Variants in PRKD1 observed in about 807,000 individuals in gnomAD.
The protein encoded by PRKD1 is serine/threonine-protein kinase D1.
Under a neutral mutation model 95.9 loss-of-function variants are expected in PRKD1, and 63 were observed. The observed-to-expected ratio is 0.66, with a 90% CI of 0.54 to 0.81. The LOEUF (loss-of-function observed/expected upper bound fraction) is 0.81, where lower values mean the gene tolerates loss of function less well. Among genes scored for constraint, PRKD1 ranks in the 30% least tolerant of loss-of-function variants. PRKD1 has a pLI of 0.00. For missense variants in PRKD1, 1,048 were observed against 1,165.3 expected (o/e 0.90, Z 1.47); for synonymous variants, 425 against 423.1 (o/e 1.00, Z -0.05).
intron 1 of PRKD1, among the ~76,000 whole-genome samples, chr14:29,918,783 A>G (rs903873697): frequency 6.6e-6 from 1 of 152,222 alleles, no homozygotes; most frequent in Admixed American, 6.5e-5. Context: ...GGATATTTAC[A>G]TAACTGCAAA....
In PRKD1 at chr14:29,867,880, T is replaced by C. The variant is rs149660742; in HGVS notation, c.264+59369A>G. Among the ~76,000 whole-genome samples, 442 of 152,312 alleles carry C rather than the reference T, an allele frequency of 2.9e-3. 1 individual carries two copies. The highest frequency in any genetic ancestry group is 1.0e-2 in the African/African-American group (414 of 41,562). ...TTAGTTTTAGAATACTTAGTCTGTG[T>C]TTTAAACTATAAAGAATCTATGAAG... On this transcript the variant is annotated intron_variant, in intron 1 of 17. Transcript: ENST00000331968.
intron 1 of PRKD1, among the ~76,000 whole-genome samples, chr14:29,883,264 C>T (rs886569671): frequency 2.0e-5 from 3 of 152,172 alleles, no homozygotes; most frequent in African/African-American, 4.8e-5. Flanking sequence ...GCCCCACCTC[C>T]GCATTAAGGA....
At chr14:29,849,709 C>T (rs1212905111) in intron 1 of PRKD1, among the ~76,000 whole-genome samples, 1 of 151,910 alleles carries the variant, frequency 6.6e-6, no homozygotes, top group Non-Finnish European at 1.5e-5. Flanking sequence ...AGAACTCTAT[C>T]CTAACTCATT....
intron 1 of PRKD1, among the ~76,000 whole-genome samples, chr14:29,755,272 G>C (rs774986586): frequency 6.6e-6 from 1 of 151,882 alleles, no homozygotes; most frequent in Non-Finnish European, 1.5e-5. Flanking sequence ...TTTTTTAAAA[G>C]TGTTTTCCCA....
intron 1 of PRKD1, 24 bp downstream of exon 1, chr14:29,927,225 G>C (rs770955095): frequency 6.8e-7 from 1 of 1,474,176 alleles, no homozygotes; most frequent in South Asian, 1.3e-5. Context: ...GAGGCGCCGG[G>C]CTGGCAGCGG....
At chr14:29,739,466 C>A (rs199914551) in intron 1 of PRKD1, among the ~76,000 whole-genome samples, 2 of 151,860 alleles carry the variant, frequency 1.3e-5, no homozygotes, top group East Asian at 3.9e-4. Flanking sequence ...AACTTTATCC[C>A]ATCTATTTGA....
At chr14:29,878,305 G>GT (rs549513257) in intron 1 of PRKD1, among the ~76,000 whole-genome samples, 62 of 69,422 alleles carry the variant, frequency 8.9e-4, no homozygotes, top group African/African-American at 2.4e-3. Context: ...TAAAATAAAA[G>GT]TTTTTTTTTT....
At chr14:29,865,321 CA>C (rs1566644005) in intron 1 of PRKD1, among the ~76,000 whole-genome samples, 1 of 152,050 alleles carries the variant, frequency 6.6e-6, no homozygotes, top group African/African-American at 2.4e-5. Flanking sequence ...TAAAATGGTG[CA>C]AATAAGGAAA....
chr14:29,719,749 T>C (rs1348557339), intron 2 of PRKD1, among the ~76,000 whole-genome samples: 2 of 152,220 alleles, frequency 1.3e-5, no homozygotes, highest in Admixed American at 1.3e-4. Flanking sequence ...GATTTCATGC[T>C]TCCTAACTCC....
At chr14:29,585,011 C>A (rs569513554) in intron 16 of PRKD1, among the ~76,000 whole-genome samples, 1 of 152,130 alleles carries the variant, frequency 6.6e-6, no homozygotes, top group African/African-American at 2.4e-5. Context: ...GGTGATAGAG[C>A]CTTCGCCAAT....
chr14:29,876,067 A>G (rs1893276518), intron 1 of PRKD1, among the ~76,000 whole-genome samples: 1 of 152,210 alleles, frequency 6.6e-6, no homozygotes, highest in South Asian at 2.1e-4. Flanking sequence ...CCTATCTCAG[A>G]AAACTCAAAT....
In PRKD1 at chr14:29,676,036, C is replaced by A. The variant is rs542370735; in HGVS notation, c.404-9828G>T. The stretch of plus-strand genomic sequence containing the variant: ...GGAGATATACCTAATGTAAATGACG[C>A]GTTAATGGGTGCAGCACACCAACAT... On this transcript the variant is annotated intron_variant, in intron 2 of 17. Transcript: ENST00000331968. Among the ~76,000 whole-genome samples the A allele has an allele frequency of 2.8e-3, 417 of 151,440 alleles. 2 individuals carry two copies. Among genetic ancestry groups the A allele is most frequent in the African/African-American group, 5.9e-3 (242 of 41,246 alleles).
At chr14:29,608,793 G>A (rs1594358301) in intron 13 of PRKD1, among the ~76,000 whole-genome samples, 1 of 152,122 alleles carries the variant, frequency 6.6e-6, no homozygotes, top group East Asian at 1.9e-4. Flanking sequence ...TTTGGTTATT[G>A]CCTATGAACA....
intron 1 of PRKD1, among the ~76,000 whole-genome samples, chr14:29,861,601 C>A (rs1892711315): frequency 6.6e-6 from 1 of 151,998 alleles, no homozygotes; most frequent in Non-Finnish European, 1.5e-5. Flanking sequence ...TTATTATTGA[C>A]TATAGTCACC....
At chr14:29,616,243 C>CAAAAAAAAAAAAAAAAAAAAAAAAAAAAA (rs72142312) in intron 13 of PRKD1, among the ~76,000 whole-genome samples, 1 of 33,956 alleles carries the variant, frequency 2.9e-5, no homozygotes, top group African/African-American at 1.3e-4. Context: ...AGAGTATGGC[C>CAAAAAAAAAAAAAAAAAAAAAAAAAAAAA]AAAAAAAAAA....
chr14:29,797,675 G>A (rs1046142470), intron 1 of PRKD1, among the ~76,000 whole-genome samples: 9 of 152,170 alleles, frequency 5.9e-5, no homozygotes, highest in South Asian at 2.1e-4. Flanking sequence ...AGGGAACCTC[G>A]AAGCACCTGC....
chr14:29,655,652 G>A (rs762252966), intron 4 of PRKD1, among the ~76,000 whole-genome samples: 1 of 152,022 alleles, frequency 6.6e-6, no homozygotes, highest in African/African-American at 2.4e-5. Flanking sequence ...TCTCCTCCAC[G>A]TTCACATCAT....
intron 2 of PRKD1, among the ~76,000 whole-genome samples, chr14:29,701,019 T>C (rs376616701): frequency 8.9e-5 from 4 of 44,778 alleles, no homozygotes; most frequent in African/African-American, 6.9e-4. Flanking sequence ...CTGTTGTGTG[T>C]GGGAACTCTG....
At chr14:29,741,313 T>A (rs1356064500) in intron 1 of PRKD1, among the ~76,000 whole-genome samples, 1 of 152,178 alleles carries the variant, frequency 6.6e-6, no homozygotes, top group East Asian at 1.9e-4. Context: ...ATAATTAATG[T>A]TTATAAACTT....
Sources: allele counts gnomAD v4.1 joint callset (sites outside exome capture counted in the v4.1 genomes callset), GRCh38; gene constraint gnomAD v4.1.1; transcripts MANE v1.5; gene names NCBI Gene and HGNC (gene_info 2026-07-23, HGNC 2026-07-21).